The following PDE4D variants were observed in gnomAD, a reference collection of about 807,000 sequenced individuals.
PDE4D encodes 3',5'-cyclic-AMP phosphodiesterase 4D.
Under a neutral mutation model 87.4 loss-of-function variants are expected in PDE4D, and 24 were observed. That is an observed-to-expected ratio of 0.27 (90% CI 0.20 to 0.39). PDE4D has a LOEUF of 0.39. Ranked by LOEUF, PDE4D falls within the 10% of genes least tolerant of loss-of-function variation. The probability of loss-of-function intolerance (pLI) is 1.00; values close to 1 mark genes in which losing one functional copy is unlikely to be tolerated. For synonymous variants in PDE4D, 384 were observed against 383.2 expected (o/e 1.00, Z -0.02); for missense variants, 714 against 1,041.0 (o/e 0.69, Z 4.32).
At chr5:59,300,736 C>T (rs536496468) in intron 1 of PDE4D, among the ~76,000 whole-genome samples, 6 of 152,212 alleles carry the variant, frequency 3.9e-5, no homozygotes, top group South Asian at 2.1e-4. Context: ...TCAGTTCCAA[C>T]GCTGTCTACC....
intron 1 of PDE4D, among the ~76,000 whole-genome samples, chr5:59,486,008 T>C (rs1805080314): frequency 6.6e-6 from 1 of 152,128 alleles, no homozygotes; most frequent in Non-Finnish European, 1.5e-5. Context: ...TTCACCTCCC[T>C]CCTCATGACA....
At chr5:59,624,196 A>C (rs1230442446) in intron 1 of PDE4D, among the ~76,000 whole-genome samples, 2 of 152,106 alleles carry the variant, frequency 1.3e-5, no homozygotes, top group African/African-American at 4.8e-5. Context: ...GCACGCTCTT[A>C]ATTCTATCCC....
chr5:59,219,324 A>T (rs1751955868), intron 1 of PDE4D, among the ~76,000 whole-genome samples: 1 of 152,272 alleles, frequency 6.6e-6, no homozygotes, highest in African/African-American at 2.4e-5. Context: ...GTTTCACTCT[A>T]AATTTTGGCA....
At chr5:60,374,148 G>C (rs16877957) in intron 1 of PDE4D, among the ~76,000 whole-genome samples, 2,343 of 152,224 alleles carry the variant, frequency 0.015, 60 homozygotes, top group African/African-American at 0.053. Context: ...TTATCCAATA[G>C]TGCTGCTACA....
chr5:59,010,301 G>A (rs1039701676), intron 6 of PDE4D, among the ~76,000 whole-genome samples: 4 of 151,994 alleles, frequency 2.6e-5, no homozygotes, highest in Admixed American at 6.6e-5. Context: ...CACTCCAGCC[G>A]GGGTGACAGA....
chr5:59,646,524 A>C (rs1373522878), intron 1 of PDE4D, among the ~76,000 whole-genome samples: 1 of 152,216 alleles, frequency 6.6e-6, no homozygotes, highest in East Asian at 1.9e-4. Context: ...TATTCCTTAT[A>C]CAACATTTTT....
chr5:60,139,806 G>A (rs1780370716), intron 2 of PDE4D, among the ~76,000 whole-genome samples: 1 of 151,904 alleles, frequency 6.6e-6, no homozygotes, highest in African/African-American at 2.4e-5. Context: ...ATCTATAATT[G>A]TTATTATGCA....
At chr5:59,425,034 G>A (rs141742624) in intron 1 of PDE4D, among the ~76,000 whole-genome samples, 57 of 152,280 alleles carry the variant, frequency 3.7e-4, no homozygotes, top group African/African-American at 1.3e-3. Flanking sequence ...TATCTTTAAT[G>A]AAATCTTAGT....
At chr5:59,707,501 T>C (rs1753602461) in intron 1 of PDE4D, among the ~76,000 whole-genome samples, 1 of 152,142 alleles carries the variant, frequency 6.6e-6, no homozygotes, top group Non-Finnish European at 1.5e-5. Context: ...AGATTTTTTT[T>C]AGGTTTTTAT....
At chr5:59,619,102 A>G (rs916797835) in intron 1 of PDE4D, among the ~76,000 whole-genome samples, 3 of 152,218 alleles carry the variant, frequency 2.0e-5, no homozygotes, top group African/African-American at 7.2e-5. Flanking sequence ...TGAAACTGAT[A>G]TGACTTGACA....
chr5:59,192,763 C>T (rs1021072476), intron 3 of PDE4D, among the ~76,000 whole-genome samples: 2 of 152,180 alleles, frequency 1.3e-5, no homozygotes, highest in African/African-American at 2.4e-5. Context: ...AGACTCTCAA[C>T]TTCTCCTGCA....
intron 3 of PDE4D, among the ~76,000 whole-genome samples, chr5:59,908,923 A>G (rs1298465285): frequency 6.6e-6 from 1 of 152,186 alleles, no homozygotes; most frequent in Non-Finnish European, 1.5e-5. Context: ...CTATTTACAG[A>G]TATTCCCATA....
At chr5:59,747,628 T>C (rs556734899) in intron 1 of PDE4D, among the ~76,000 whole-genome samples, 1 of 152,296 alleles carries the variant, frequency 6.6e-6, no homozygotes, top group Admixed American at 6.5e-5. Flanking sequence ...TGTCTTTACA[T>C]TGATGAGCTT....
At chr5:60,429,849 T>G (rs1445401689) in intron 1 of PDE4D, 26 of 280,774 alleles carry the variant, frequency 9.3e-5, no homozygotes, top group East Asian at 1.8e-4. Flanking sequence ...TTTTTTTTTG[T>G]TTTTTTTTTT....
At position 60,410,084 on chromosome 5, in the gene PDE4D, G is replaced by A. The variant is rs1583662345; in HGVS notation, c.-90+77858C>T. ...AGGCCTCGATGTTTAGCTTTTCTGAGCAGCTCTTTGTTCCCTATGGCAACC... is the reference window on the plus strand; with the variant it reads ...AGGCCTCGATGTTTAGCTTTTCTGAACAGCTCTTTGTTCCCTATGGCAACC... On this transcript the variant is annotated intron_variant, in intron 1 of 16. Coordinates refer to the PDE4D transcript ENST00000502484. Among the ~76,000 whole-genome samples, 3 of 152,294 alleles carry A rather than the reference G, an allele frequency of 2.0e-5. No homozygotes were observed. In the South Asian group the frequency reaches 6.2e-4, roughly 32 times the overall value.
chr5:60,137,465 T>C (rs1019421902), intron 2 of PDE4D, among the ~76,000 whole-genome samples: 4 of 152,126 alleles, frequency 2.6e-5, no homozygotes, highest in Admixed American at 1.3e-4. Context: ...CTGTTGTTTT[T>C]TGACTTCTTA....
chr5:59,718,900 A>AT (rs532886577), intron 1 of PDE4D, among the ~76,000 whole-genome samples: 1 of 151,876 alleles, frequency 6.6e-6, no homozygotes, highest in African/African-American at 2.4e-5. Context: ...GGGGGAATAA[A>AT]TTTTTTTTGA....
At chr5:59,240,529 A>G (rs185507697) in intron 1 of PDE4D, among the ~76,000 whole-genome samples, 1 of 152,282 alleles carries the variant, frequency 6.6e-6, no homozygotes, top group East Asian at 1.9e-4. Context: ...TCTGTAAAAC[A>G]CTAAGCTCAG....
intron 6 of PDE4D, among the ~76,000 whole-genome samples, chr5:59,029,416 C>CAAAAAA (rs34120574): frequency 2.9e-4 from 25 of 86,890 alleles, no homozygotes; most frequent in South Asian, 4.8e-4. Context: ...GACTCCATCA[C>CAAAAAA]AAAAAAAAAA....
Sources: allele counts gnomAD v4.1 joint callset (sites outside exome capture counted in the v4.1 genomes callset), GRCh38; gene constraint gnomAD v4.1.1; transcripts MANE v1.5; gene names NCBI Gene and HGNC (gene_info 2026-07-23, HGNC 2026-07-21).